CCSER1: variants seen among roughly 807,000 people sequenced by gnomAD.
The protein encoded by CCSER1 is coiled-coil serine rich protein 1, also known as serine-rich coiled-coil domain-containing protein 1.
In CCSER1, 41 loss-of-function variants were observed where a neutral mutation model predicts 82.0. The observed-to-expected ratio is 0.50, with a 90% CI of 0.39 to 0.65. The LOEUF (loss-of-function observed/expected upper bound fraction) is 0.65, where lower values mean the gene tolerates loss of function less well. Among genes scored for constraint, CCSER1 ranks in the 30% least tolerant of loss-of-function variants. CCSER1 has a pLI of 0.00. For missense variants in CCSER1, 1,119 were observed against 1,064.2 expected (o/e 1.05, Z -0.72); for synonymous variants, 414 against 383.9 (o/e 1.08, Z -0.92).
At chr4:90,744,824 A>G (rs1404907871) in intron 7 of CCSER1, among the ~76,000 whole-genome samples, 1 of 152,142 alleles carries the variant, frequency 6.6e-6, no homozygotes, top group Non-Finnish European at 1.5e-5. Flanking sequence ...GAGGTGGAAT[A>G]GTTTCATCCT....
chr4:90,465,390 G>A (rs1446383538), intron 4 of CCSER1, among the ~76,000 whole-genome samples: 3 of 147,542 alleles, frequency 2.0e-5, no homozygotes, highest in Non-Finnish European at 4.4e-5. Flanking sequence ...GCCTGATCTC[G>A]GCTCACTGCA....
chr4:90,931,752 A>C (rs888055285), intron 9 of CCSER1, among the ~76,000 whole-genome samples: 6 of 152,192 alleles, frequency 3.9e-5, no homozygotes, highest in African/African-American at 1.4e-4. Flanking sequence ...AAAAGGGATA[A>C]TATGTACCAA....
chr4:90,758,302 A>T (rs955391200), intron 7 of CCSER1, among the ~76,000 whole-genome samples: 10 of 152,154 alleles, frequency 6.6e-5, no homozygotes, highest in Non-Finnish European at 1.2e-4. Context: ...TGTATTAAAA[A>T]TAATAGAGAT....
chr4:91,015,493 A>T (rs1162151957), intron 9 of CCSER1: 1 of 152,030 alleles, frequency 6.6e-6, no homozygotes, highest in Non-Finnish European at 1.5e-5. Flanking sequence ...AGATGCCTTT[A>T]GGTATGAAAT....
chr4:91,025,599 G>A (rs566964431), intron 9 of CCSER1, among the ~76,000 whole-genome samples: 84 of 152,132 alleles, frequency 5.5e-4, no homozygotes, highest in Middle Eastern at 3.4e-3. Context: ...TCATTTTGTG[G>A]CAAAGCTGAA....
At chr4:91,487,747 T>C (rs13138113) in intron 10 of CCSER1, among the ~76,000 whole-genome samples, 125,728 of 151,824 alleles carry the variant, frequency 0.83, 52,412 homozygotes, top group East Asian at 0.93. Context: ...ATTTGGTATC[T>C]GGTACAGTAT....
chr4:91,203,494 T>C (rs1736095762), intron 10 of CCSER1, among the ~76,000 whole-genome samples: 1 of 151,656 alleles, frequency 6.6e-6, no homozygotes, highest in African/African-American at 2.4e-5. Context: ...TCTAGAGGAA[T>C]TAGATAGATA....
At chr4:90,196,584 T>G (rs994920038) in intron 1 of CCSER1, among the ~76,000 whole-genome samples, 3 of 151,658 alleles carry the variant, frequency 2.0e-5, no homozygotes, top group African/African-American at 7.3e-5. Context: ...CCTTTCTGCC[T>G]AATCCTTCTT....
chr4:90,895,743 G>A (rs1238292984), intron 8 of CCSER1, among the ~76,000 whole-genome samples: 1 of 151,804 alleles, frequency 6.6e-6, no homozygotes, highest in Non-Finnish European at 1.5e-5. Context: ...TGAACAGAAA[G>A]TTGTATATAT....
At chr4:90,370,838 A>G (rs2153524697) in intron 3 of CCSER1, among the ~76,000 whole-genome samples, 1 of 152,024 alleles carries the variant, frequency 6.6e-6, no homozygotes, top group South Asian at 2.1e-4. Flanking sequence ...TTTATTACTT[A>G]TTTTCTTTTT....
chr4:90,494,885 G>A (rs1163577537), intron 5 of CCSER1, among the ~76,000 whole-genome samples: 1 of 151,412 alleles, frequency 6.6e-6, no homozygotes, highest in African/African-American at 2.4e-5. Context: ...CAAAATACTA[G>A]TCTTTTTCAG....
chr4:91,052,417 T>G (rs1381295), intron 9 of CCSER1, among the ~76,000 whole-genome samples: 25,574 of 152,018 alleles, frequency 0.17, 2,232 homozygotes, highest in Admixed American at 0.22. Flanking sequence ...TACATAAAGC[T>G]TTTTAAAAAT....
intron 4 of CCSER1, among the ~76,000 whole-genome samples, chr4:90,462,376 A>G (rs569807295): frequency 1.3e-5 from 2 of 152,312 alleles, no homozygotes; most frequent in South Asian, 2.1e-4. Context: ...TGGGATTTCT[A>G]TCTTCAGGAA....
intron 9 of CCSER1, among the ~76,000 whole-genome samples, chr4:91,073,766 C>T (rs545360481): frequency 6.6e-6 from 1 of 152,050 alleles, no homozygotes; most frequent in South Asian, 2.1e-4. Context: ...CACTGAGAGG[C>T]CATACAAAAC....
At chr4:90,949,503 G>C (rs552112607) in intron 9 of CCSER1, among the ~76,000 whole-genome samples, 7 of 152,134 alleles carry the variant, frequency 4.6e-5, no homozygotes, top group African/African-American at 1.7e-4. Flanking sequence ...GAGTCAGGGG[G>C]CAACACCATC....
intron 10 of CCSER1, among the ~76,000 whole-genome samples, chr4:91,277,358 T>C (rs758646194): frequency 6.6e-6 from 1 of 151,972 alleles, no homozygotes; most frequent in Non-Finnish European, 1.5e-5. Flanking sequence ...TTCAATCTTA[T>C]TATGTGTTAC....
rs571479015 is a variant in CCSER1 at position 90,940,398 on chromosome 4, A to G, written c.2172+16951A>G. Reference sequence around the variant, plus strand: ...AATATACATCAGTAAACATGTTTACATATCAATAATTTTATTTTCAAGGGG... The same window carrying G: ...AATATACATCAGTAAACATGTTTACGTATCAATAATTTTATTTTCAAGGGG... On this transcript the variant is annotated intron_variant, in intron 9 of 10. Coordinates refer to ENST00000509176, the MANE Select transcript of CCSER1 (RefSeq NM_001145065.2). Among the ~76,000 whole-genome samples, 19 of 151,794 alleles carry G rather than the reference A, an allele frequency of 1.3e-4. No individual in the cohort carries two copies. The South Asian group carries it at 3.3e-3, about 26-fold the overall frequency.
chr4:90,156,449 A>T (rs1728195431), intron 1 of CCSER1, among the ~76,000 whole-genome samples: 2 of 152,120 alleles, frequency 1.3e-5, no homozygotes, highest in South Asian at 4.2e-4. Flanking sequence ...TGTCTCGTTG[A>T]TCTGTCTAAT....
At chr4:90,719,770 G>T (rs1742343255) in intron 6 of CCSER1, among the ~76,000 whole-genome samples, 1 of 152,070 alleles carries the variant, frequency 6.6e-6, no homozygotes, top group African/African-American at 2.4e-5. Context: ...TGATCACTTG[G>T]TTGAGGTAGT....
Sources: allele counts gnomAD v4.1 joint callset (sites outside exome capture counted in the v4.1 genomes callset), GRCh38; gene constraint gnomAD v4.1.1; transcripts MANE v1.5; gene names NCBI Gene and HGNC (gene_info 2026-07-23, HGNC 2026-07-21).